Variants in LINGO1 observed in about 807,000 individuals in gnomAD.
LINGO1 encodes the protein leucine rich repeat and Ig domain containing 1.
A neutral mutation model predicts 37.3 loss-of-function variants in LINGO1; 11 were observed. That is an observed-to-expected ratio of 0.29 (90% CI 0.19 to 0.49). The LOEUF (loss-of-function observed/expected upper bound fraction) is 0.49. Among genes scored for constraint, LINGO1 ranks in the 20% least tolerant of loss-of-function variants. The pLI is 0.99. For synonymous variants in LINGO1, 387 were observed against 403.0 expected (o/e 0.96, Z 0.48); for missense variants, 585 against 878.2 (o/e 0.67, Z 4.22).
At chr15:77,749,741 A>T (rs2076352218) in intron 1 of LINGO1, among the ~76,000 whole-genome samples, 1 of 152,176 alleles carries the variant, frequency 6.6e-6, no homozygotes, top group South Asian at 2.1e-4. Flanking sequence ...GTTATCCTCA[A>T]ATAAGGGGAA....
At chr15:77,787,363 GCTCCCAGGATA>G, upstream of LINGO1, 1 of 152,404 alleles carries the variant, frequency 6.6e-6, no homozygotes, top group East Asian at 1.9e-4. Context: ...CTGGCAGGGT[GCTCCCAGGATA>G]GCTGAGTGTT....
At chr15:77,648,984 C>T (rs1261537721) in intron 3 of LINGO1, 2 of 152,246 alleles carry the variant, frequency 1.3e-5, no homozygotes, top group South Asian at 2.1e-4. Flanking sequence ...TCCCAGAACC[C>T]CTCAGCTCTG....
At chr15:77,798,252 CA>C (rs1213383000) in intron 1 of LINGO1, among the ~76,000 whole-genome samples, 2 of 152,228 alleles carry the variant, frequency 1.3e-5, no homozygotes, top group African/African-American at 2.4e-5. Flanking sequence ...TCTAGTCAGA[CA>C]GGGGCACTGT....
chr15:77,745,692 A>G (rs2076307407), intron 1 of LINGO1, among the ~76,000 whole-genome samples: 1 of 152,312 alleles, frequency 6.6e-6, no homozygotes, highest in Non-Finnish European at 1.5e-5. Context: ...ACAATTGCTC[A>G]TCTCTTCCTC....
intron 1 of LINGO1, among the ~76,000 whole-genome samples, chr15:77,804,657 A>G (rs8025494): frequency 0.79 from 119,514 of 152,090 alleles, 47,781 homozygotes; most frequent in Non-Finnish European, 0.86. Context: ...GGCTGGCCTG[A>G]CCCCGGCTCC....
intron 3 of LINGO1, among the ~76,000 whole-genome samples, chr15:77,656,372 C>T (rs924682434): frequency 6.6e-6 from 1 of 152,146 alleles, no homozygotes; most frequent in African/African-American, 2.4e-5. Flanking sequence ...GCCCTTTTTC[C>T]CTTCCTAAAA....
chr15:77,623,787 T>C (rs1204933114), intron 1 of LINGO1, among the ~76,000 whole-genome samples: 1 of 152,066 alleles, frequency 6.6e-6, no homozygotes, highest in South Asian at 2.1e-4. Flanking sequence ...TATCTTCCTC[T>C]TGCTCTCGGT....
chr15:77,644,414 C>T lies in LINGO1; in HGVS notation c.-12-28514G>A, dbSNP rs568386662. The stretch of plus-strand genomic sequence containing the variant: ...TCAACATGGCTGCCCTGAGCCTGCA[C>T]GGGAGGTGGTCGAGGAGGGGTACCC... On this transcript the variant is annotated intron_variant, in intron 3 of 3. Coordinates refer to the LINGO1 transcript ENST00000559893. 2.4e-4 allele frequency among the ~76,000 whole-genome samples: 36 copies of T among 152,314 alleles called. No individual in the cohort carries two copies. In the South Asian group the frequency reaches 5.0e-3, roughly 21 times the overall value.
intron 2 of LINGO1, among the ~76,000 whole-genome samples, chr15:77,718,766 G>A (rs1046634086): frequency 1.3e-5 from 2 of 150,818 alleles, no homozygotes; most frequent in African/African-American, 2.4e-5. Context: ...CTCTGTGCCT[G>A]CCCCAGCCCC....
chr15:77,681,438 C>T (rs752292468), intron 2 of LINGO1, among the ~76,000 whole-genome samples: 1 of 152,028 alleles, frequency 6.6e-6, no homozygotes, highest in Non-Finnish European at 1.5e-5. Context: ...CTCCAAAGTC[C>T]AACTGAGCAT....
At chr15:77,788,874 C>T (rs1002477487), upstream of LINGO1, among the ~76,000 whole-genome samples, 1 of 152,166 alleles carries the variant, frequency 6.6e-6, no homozygotes, top group Admixed American at 6.5e-5. Flanking sequence ...ACCTGCCTTT[C>T]ACCCAAAGGA....
At chr15:77,616,170 A>T (rs2073713987) in intron 1 of LINGO1, among the ~76,000 whole-genome samples, 1 of 152,140 alleles carries the variant, frequency 6.6e-6, no homozygotes, top group Non-Finnish European at 1.5e-5. Context: ...CACCTCAGAC[A>T]GCCTGGCATT....
At chr15:77,690,886 C>T (rs950999271) in exon 2 of LINGO1, 1 of 152,396 alleles carries the variant, frequency 6.6e-6, no homozygotes, top group East Asian at 1.9e-4. Context: ...GTAGCCAGGT[C>T]ATGGTCATAA....
At chr15:77,776,464 G>GGCAGGAAA (rs1238644567) in intron 1 of LINGO1, among the ~76,000 whole-genome samples, 1,529 of 111,328 alleles carry the variant, frequency 0.014, 31 homozygotes, top group African/African-American at 0.036. Context: ...AAGGCAGGAA[G>GGCAGGAAA]GCAGGAAGGC....
At chr15:77,657,351 C>T (rs949048092) in intron 3 of LINGO1, among the ~76,000 whole-genome samples, 22 of 152,012 alleles carry the variant, frequency 1.4e-4, no homozygotes, top group East Asian at 1.9e-4. Context: ...GGTGGGGGAA[C>T]GCAAGCCCCA....
At chr15:77,629,432 T>C (rs1358109716) in intron 1 of LINGO1, among the ~76,000 whole-genome samples, 1 of 152,136 alleles carries the variant, frequency 6.6e-6, no homozygotes, top group Non-Finnish European at 1.5e-5. Flanking sequence ...TGGAGTCCCC[T>C]GCTCTCTGTG....
chr15:77,664,155 G>GTGTA lies in LINGO1; in HGVS notation c.-13+12933_-13+12934insTACA, dbSNP rs1201211599. Among the ~76,000 whole-genome samples the GTGTA allele has an allele frequency of 1.4e-5, 2 of 138,166 alleles. 1 individual carries two copies. The highest frequency in any genetic ancestry group is 6.2e-5 in the African/African-American group (2 of 32,156). 90.6% of individuals were successfully genotyped at this position (138,166 alleles called of 152,430 possible). ...AGTGTGTGTGTGTGTGTGTGTGTGT[G>GTGTA]TGTGTGTGTGTGTGTGCGCGCGCGC... On this transcript the variant is annotated intron_variant, in intron 3 of 3. Coordinates refer to the LINGO1 transcript ENST00000559893.
chr15:77,753,570 G>C (rs1188007167), intron 1 of LINGO1, among the ~76,000 whole-genome samples: 1 of 152,234 alleles, frequency 6.6e-6, no homozygotes, highest in Non-Finnish European at 1.5e-5. Context: ...AGCTGAGAGA[G>C]AGAGTTTATT....
chr15:77,716,996 A>T (rs966257609), intron 2 of LINGO1, among the ~76,000 whole-genome samples: 7 of 150,436 alleles, frequency 4.7e-5, no homozygotes, highest in African/African-American at 1.5e-4. Context: ...GAAAACAATA[A>T]GAGAAAGAAG....
Sources: allele counts gnomAD v4.1 joint callset (sites outside exome capture counted in the v4.1 genomes callset), GRCh38; gene constraint gnomAD v4.1.1; transcripts MANE v1.5; gene names NCBI Gene and HGNC (gene_info 2026-07-23, HGNC 2026-07-21).